Variants in FNDC1 observed in about 807,000 individuals in gnomAD.
FNDC1 encodes the protein fibronectin type III domain containing 1.
FNDC1 carries 96 observed loss-of-function variants against 168.0 expected under a neutral mutation model. The ratio of observed to expected loss-of-function variants is 0.57; its 90% confidence interval spans 0.48 to 0.68. The LOEUF (loss-of-function observed/expected upper bound fraction) is 0.68. Among genes scored for constraint, FNDC1 ranks in the 30% least tolerant of loss-of-function variants. The probability of loss-of-function intolerance (pLI) is 0.00; values close to 1 mark genes in which losing one functional copy is unlikely to be tolerated. For synonymous variants in FNDC1, 1,099 were observed against 1,025.9 expected (o/e 1.07, Z -1.36); for missense variants, 2,587 against 2,482.1 (o/e 1.04, Z -0.90).
At position 159,256,623 on chromosome 6, in the gene FNDC1, C is replaced by G. The variant is rs141635647; in HGVS notation, c.5166C>G (p.Pro1722=). The change falls in exon 18 of 23, where the codon CCC becomes CCG. Residue 1722 remains proline (P), a synonymous_variant. Coordinates refer to ENST00000297267, the MANE Select transcript of FNDC1 (RefSeq NM_032532.3). ...VTHLPIENLK[P]NTRYYFKVQA... Reference sequence around the variant, plus strand: ...ACTTGCCCATTGAGAACCTAAAGCCCAACACGAGGTACGATGTGTCAGTCA... The same window carrying G: ...ACTTGCCCATTGAGAACCTAAAGCCGAACACGAGGTACGATGTGTCAGTCA... 3.7e-5 allele frequency: 60 copies of G among 1,608,628 alleles called. No homozygotes were observed. In the African/African-American group the frequency reaches 7.6e-4, roughly 20 times the overall value.
chr6:159,228,250 G>A (rs921468185), intron 9 of FNDC1, among the ~76,000 whole-genome samples: 8 of 152,136 alleles, frequency 5.3e-5, no homozygotes, highest in East Asian at 1.9e-4. Flanking sequence ...AAGAACTCGC[G>A]TATCTTAAGC....
At chr6:159,224,986 CTGTT>C (rs1782921176) in intron 7 of FNDC1, among the ~76,000 whole-genome samples, 1 of 152,324 alleles carries the variant, frequency 6.6e-6, no homozygotes, top group Admixed American at 6.5e-5. Flanking sequence ...CTGTCCTGCT[CTGTT>C]TGTTTCACAT....
chr6:159,203,305 A>T (rs899564573), intron 4 of FNDC1, among the ~76,000 whole-genome samples: 6 of 152,246 alleles, frequency 3.9e-5, no homozygotes, highest in Non-Finnish European at 8.8e-5. Context: ...TAGAATAAGC[A>T]GATGGGAGTG....
chr6:159,199,740 A>G (rs1782331787), intron 2 of FNDC1, among the ~76,000 whole-genome samples: 1 of 152,216 alleles, frequency 6.6e-6, no homozygotes, highest in South Asian at 2.1e-4. Flanking sequence ...ATCCAGGTTT[A>G]TTACACATGG....
At chr6:159,210,939 G>A (rs919721668) in intron 4 of FNDC1, among the ~76,000 whole-genome samples, 1 of 152,150 alleles carries the variant, frequency 6.6e-6, no homozygotes, top group Admixed American at 6.5e-5. Context: ...TGCACAAAAG[G>A]CCTGGTCCTG....
intron 14 of FNDC1, among the ~76,000 whole-genome samples, chr6:159,242,138 G>A (rs1783435647): frequency 6.6e-6 from 1 of 152,130 alleles, no homozygotes; most frequent in African/African-American, 2.4e-5. Flanking sequence ...ATACACCATG[G>A]AATACTATGC....
chr6:159,233,257 A>T lies in FNDC1; in HGVS notation c.2745A>T (p.Arg915Ser), dbSNP rs1406719309. 7 of 1,613,898 alleles carry T rather than the reference A, an allele frequency of 4.3e-6. No homozygotes were observed. In the East Asian group the frequency reaches 6.7e-5, roughly 15 times the overall value. ...GWEDLRRSPQ[R>S]GASLHRKEPI... ...AGGACTTAAGGAGAAGCCCGCAGAG[A>T]GGGGCCAGCCTGCATCGGAAGGAAC... Residue 915 changes from arginine (R) to serine (S), a missense_variant, in exon 11 of 23, where the codon AGA becomes AGT. Arg to Ser is a moderately radical substitution (Grantham distance 110). Coordinates refer to ENST00000297267, the MANE Select transcript of FNDC1 (RefSeq NM_032532.3). This position sits in a 1 kb window ranked among gnomAD's most constrained non-coding sequence, Gnocchi z 4.6.
chr6:159,185,954 A>G (rs948373183), intron 1 of FNDC1, among the ~76,000 whole-genome samples: 2 of 152,214 alleles, frequency 1.3e-5, no homozygotes, highest in African/African-American at 4.8e-5. Context: ...TCAGACGGTT[A>G]TATATTAGTT....
At chr6:159,243,962 A>G (rs1183177153) in intron 14 of FNDC1, among the ~76,000 whole-genome samples, 1 of 152,210 alleles carries the variant, frequency 6.6e-6, no homozygotes, top group East Asian at 1.9e-4. Flanking sequence ...TGCTGCATGC[A>G]CTGGAGTATT....
intron 3 of FNDC1, 95 bp from the exon 4 acceptor site, chr6:159,200,418 A>G (rs1782351840): frequency 1.0e-6 from 1 of 980,298 alleles, no homozygotes; most frequent in East Asian, 2.6e-5. Flanking sequence ...AAGATGGTTG[A>G]AAAGATCATT....
rs747909871 is a variant in FNDC1 at position 159,266,144 on chromosome 6, A to G, written c.5345A>G (p.His1782Arg). The change falls in exon 21 of 23, where the codon CAT (histidine) becomes CGT (arginine). Residue 1782 changes from histidine to arginine, a missense_variant. Coordinates refer to ENST00000297267, the MANE Select transcript of FNDC1 (RefSeq NM_032532.3). The part of the protein sequence containing the change: ...FKHDPSYTDC[H>R]GRQYVKRTWY... ...CATGATCCCAGCTACACGGACTGCCATGGACGGCAATATGTGAAGCGCACG... is the reference window on the plus strand; with the variant it reads ...CATGATCCCAGCTACACGGACTGCCGTGGACGGCAATATGTGAAGCGCACG... The G allele has an allele frequency of 5.3e-5, 86 of 1,613,880 alleles. 2 individuals are homozygous for G. The South Asian group carries it at 8.8e-4, about 16-fold the overall frequency.
chr6:159,210,867 C>G (rs1782588853), intron 4 of FNDC1, among the ~76,000 whole-genome samples: 1 of 152,146 alleles, frequency 6.6e-6, no homozygotes, highest in Non-Finnish European at 1.5e-5. Flanking sequence ...CTTTCCCTGC[C>G]CTCTCTTTCT....
Position 159,233,922 on chromosome 6 carries a change from G to T in FNDC1, c.3410G>T (p.Arg1137Met). ...CGCGGACATGCGGCCTCCCCCGCCA[G>T]GCCCAGCCGACCCGGCGGCCCCCAG... The part of the protein sequence containing the change: ...SQRGHAASPA[R>M]PSRPGGPQSR... Residue 1137 changes from arginine (R) to methionine (M), a missense_variant, in exon 11 of 23, where the codon AGG becomes ATG. Transcript: ENST00000297267. This position sits in a 1 kb window ranked among gnomAD's most constrained non-coding sequence, Gnocchi z 4.6. 3.2e-6 allele frequency: 5 copies of T among 1,550,556 alleles called. No homozygotes were observed. Among genetic ancestry groups the T allele is most frequent in the Non-Finnish European group, 4.4e-6 (5 of 1,146,912 alleles).
Position 159,184,726 on chromosome 6 carries a change from A to C in FNDC1, c.110-12705A>C, listed in dbSNP as rs149070275. 5.9e-5 allele frequency among the ~76,000 whole-genome samples: 9 copies of C among 152,290 alleles called. 1 individual carries two copies. In the East Asian group the frequency reaches 1.2e-3, roughly 20 times the overall value. On this transcript the variant is annotated intron_variant, in intron 1 of 22. Transcript: ENST00000297267. ...CTTTCACATTTTGGGAAAAGGAATA[A>C]ATTTTCAGGGAGTGGTTTTTGGTCT...
At chr6:159,269,593 G>GTCTA (rs1239137707) in intron 22 of FNDC1, among the ~76,000 whole-genome samples, 39 of 122,188 alleles carry the variant, frequency 3.2e-4, no homozygotes, top group East Asian at 1.5e-3. Flanking sequence ...CTGTCTGTCT[G>GTCTA]TCTGTCTATC....
Position 159,229,857 on chromosome 6 carries a change from C to T in FNDC1, c.1223C>T (p.Ala408Val). The change falls in exon 10 of 23, where the codon GCA becomes GTA. Residue 408 changes from alanine to valine, a missense_variant. Physicochemically the swap from Ala to Val is moderately conservative, Grantham distance 64. Transcript: ENST00000297267. ...SYAPALKPFG[A>V]KSLTYPGDTT... ...GCCCCGGCTCTCAAACCATTTGGAG[C>T]AAAGTCCCTCACCTATCCTGGAGAC... The T allele has an allele frequency of 1.2e-6, 2 of 1,613,506 alleles. No homozygotes were observed. The highest frequency in any genetic ancestry group is 1.7e-6 in the Non-Finnish European group (2 of 1,179,590).
At position 159,233,929 on chromosome 6, in the gene FNDC1, C is replaced by A. The variant is rs778661694; in HGVS notation, c.3417C>A (p.Ser1139Arg). 16 of 1,552,756 alleles carry A rather than the reference C, an allele frequency of 1.0e-5. No homozygotes were observed. The Admixed American group carries it at 2.9e-4, about 28-fold the overall frequency. Residue 1139 changes from serine (S) to arginine (R), a missense_variant, in exon 11 of 23, where the codon AGC becomes AGA. Ser to Arg is a moderately radical substitution (Grantham distance 110). Coordinates refer to ENST00000297267, the MANE Select transcript of FNDC1 (RefSeq NM_032532.3). The surrounding 1 kb of genome is among the most constrained non-coding windows in gnomAD (Gnocchi z 4.6). ...RGHAASPARPSRPGGPQSRAR... is the reference protein window; with the variant it reads ...RGHAASPARPRRPGGPQSRAR... ...ATGCGGCCTCCCCCGCCAGGCCCAG[C>A]CGACCCGGCGGCCCCCAGTCCCGCG...
At position 159,229,996 on chromosome 6, in the gene FNDC1, G is replaced by A; in HGVS notation, c.1362G>A (p.Met454Ile). ...GPHSKAFIVA[M>I]PTTSKADVEQ... ...ACTCCAAAGCCTTCATTGTCGCTATGCCAACAAGTAAGCATTATGTGTCTG... is the reference window on the plus strand; with the variant it reads ...ACTCCAAAGCCTTCATTGTCGCTATACCAACAAGTAAGCATTATGTGTCTG... Residue 454 changes from methionine (M) to isoleucine (I), a missense_variant, in exon 10 of 23, where the codon ATG becomes ATA. Physicochemically the swap from Met to Ile is conservative, Grantham distance 10 (BLOSUM62 1). Transcript: ENST00000297267. The A allele has an allele frequency of 6.2e-7, 1 of 1,613,272 alleles. No homozygotes were observed. The highest frequency in any genetic ancestry group is 8.5e-7 in the Non-Finnish European group (1 of 1,179,544).
At chr6:159,171,678 C>T (rs1781664191) in intron 1 of FNDC1, among the ~76,000 whole-genome samples, 1 of 152,186 alleles carries the variant, frequency 6.6e-6, no homozygotes, top group South Asian at 2.1e-4. Flanking sequence ...GTGTCCCCTC[C>T]TCCACTCATA....
Sources: allele counts gnomAD v4.1 joint callset (sites outside exome capture counted in the v4.1 genomes callset), GRCh38; gene constraint gnomAD v4.1.1; non-coding constraint Gnocchi (gnomAD v3.1); transcripts MANE v1.5; gene names NCBI Gene and HGNC (gene_info 2026-07-23, HGNC 2026-07-21).